Variants in ODAD4 observed in about 807,000 individuals in gnomAD.
ODAD4 encodes outer dynein arm-docking complex subunit 4.
ODAD4 carries 49 observed loss-of-function variants against 51.8 expected under a neutral mutation model. That is an observed-to-expected ratio of 0.95 (90% CI 0.75 to 1.20). The LOEUF is 1.20. Ranked by LOEUF, ODAD4 falls within the 50% of genes most tolerant of loss-of-function variation. ODAD4 has a pLI of 0.00. For synonymous variants in ODAD4, 235 were observed against 221.3 expected, an observed-to-expected ratio of 1.06 and a Z score of -0.55; for missense variants, 590 against 586.5, an observed-to-expected ratio of 1.01 and a Z score of -0.06.
intron 10 of ODAD4, among the ~76,000 whole-genome samples, chr17:41,957,213 C>A (rs888867337): frequency 2.0e-5 from 3 of 152,132 alleles, no homozygotes; most frequent in African/African-American, 7.2e-5. Flanking sequence ...TTTCTCTTAT[C>A]AGCAGTCCCC....
At chr17:41,944,157 A>G (rs1258776420) in intron 7 of ODAD4, among the ~76,000 whole-genome samples, 2 of 149,200 alleles carry the variant, frequency 1.3e-5, no homozygotes, top group Admixed American at 6.8e-5. Flanking sequence ...AGATCGTGCT[A>G]TTGCACTCCA....
rs143689429 is a variant in ODAD4 at position 41,943,208 on chromosome 17, A to T, written c.1059-1928A>T. 7.5e-3 allele frequency among the ~76,000 whole-genome samples: 1,137 copies of T among 152,264 alleles called. 12 individuals are homozygous for T. The highest frequency in any genetic ancestry group is 0.026 in the African/African-American group (1,082 of 41,540). On this transcript the variant is annotated intron_variant, in intron 7 of 11. Coordinates refer to ENST00000377540, the MANE Select transcript of ODAD4 (RefSeq NM_031421.5). ...TGTGTTTACCTACATACTCATGTAC[A>T]TATGCAGGATTTTTTAAAACCAAAG... is the stretch of plus-strand genomic sequence containing the variant.
At chr17:41,960,059 C>T (rs553218492) in intron 10 of ODAD4, among the ~76,000 whole-genome samples, 3 of 152,322 alleles carry the variant, frequency 2.0e-5, no homozygotes, top group East Asian at 1.9e-4. Context: ...TCCATGTGAT[C>T]GCCCTGCAGA....
Position 41,965,491 on chromosome 17 carries a change from G to A in ODAD4, c.*8G>A, listed in dbSNP as rs781896432. The A allele has an allele frequency of 5.3e-6, 4 of 757,736 alleles. No homozygotes were observed. Among genetic ancestry groups the A allele is most frequent in the African/African-American group, 3.5e-5 (2 of 57,610 alleles). 46.9% of individuals were successfully genotyped at this position (757,736 alleles called of 1,614,324 possible). Reference sequence around the variant, plus strand: ...GAAAAGGAATATGAATGAAGCCATCGGTAGAGATGAGGATCAGGAAGCTGG... The same window carrying A: ...GAAAAGGAATATGAATGAAGCCATCAGTAGAGATGAGGATCAGGAAGCTGG... On this transcript the variant is annotated 3_prime_UTR_variant, in exon 12 of 12. Transcript: ENST00000377540.
chr17:41,953,666 TATAGAGAG>T (rs1206034251), intron 9 of ODAD4, among the ~76,000 whole-genome samples: 3 of 147,540 alleles, frequency 2.0e-5, no homozygotes, highest in Non-Finnish European at 3.0e-5. Context: ...TATATATATA[TATAGAGAG>T]AGAGAGAGAG....
chr17:41,957,082 T>C (rs979166526), intron 10 of ODAD4, among the ~76,000 whole-genome samples: 4 of 151,990 alleles, frequency 2.6e-5, no homozygotes, highest in African/African-American at 9.7e-5. Context: ...AATTTTTTAT[T>C]TTTTGTAGAC....
At position 41,965,082 on chromosome 17, in the gene ODAD4, G is replaced by T; in HGVS notation, c.1618G>T (p.Asp540Tyr). 5.2e-6 allele frequency: 4 copies of T among 766,316 alleles called. No individual in the cohort carries two copies. Among genetic ancestry groups the T allele is most frequent in the Non-Finnish European group, 9.7e-6 (4 of 411,148 alleles). 47.5% of individuals were successfully genotyped at this position (766,316 alleles called of 1,614,324 possible). A position where few individuals can be genotyped will look rare whatever the true frequency, so the allele number is the denominator to read the frequency against. The change falls in exon 12 of 12, where the codon GAC becomes TAC. Residue 540 changes from aspartate (D) to tyrosine (Y), a missense_variant. This residue lies in a region of ODAD4 where 226 missense variants were observed against 162.7 expected (regional missense o/e 1.39). Transcript: ENST00000377540. The stretch of plus-strand genomic sequence containing the variant: ...GCCCGAGAAGGTGGTGAAGCAGTGG[G>T]ACCATAGTGAGGATGAGAAAGAGAC... Reference protein sequence around the residue: ...DEPEKVVKQWDHSEDEKETDE... With the variant: ...DEPEKVVKQWYHSEDEKETDE...
chr17:41,935,625 G>A lies in ODAD4; in HGVS notation c.273G>A (p.Leu91=), dbSNP rs1555637648. ...GGATTTTGCAAAAGGCTGAGACACT[G>A]TACACCATGGGAGACTTTGAGTTTG... ...CKGILQKAET[L]YTMGDFEFAL... Residue 91 remains leucine, a synonymous_variant, in exon 3 of 12, where the codon CTG becomes CTA. Transcript: ENST00000377540. The A allele has an allele frequency of 6.2e-7, 1 of 1,613,058 alleles. No individual in the cohort carries two copies. The highest frequency in any genetic ancestry group is 2.2e-5 in the East Asian group (1 of 44,876).
At chr17:41,944,391 T>TACACACACACACACACACACACAC (rs1158342629) in intron 7 of ODAD4, among the ~76,000 whole-genome samples, 1 of 78,706 alleles carries the variant, frequency 1.3e-5, no homozygotes, top group African/African-American at 6.7e-5. Flanking sequence ...CAAACACACA[T>TACACACACACACACACACACACAC]ACACACACAC....
At chr17:41,944,437 CACACA>C (rs1439839042) in intron 7 of ODAD4, among the ~76,000 whole-genome samples, 109 of 4,080 alleles carry the variant, frequency 0.027, 2 homozygotes, top group African/African-American at 0.05. Context: ...CACACACACA[CACACA>C]CACCCCCCCG....
intron 10 of ODAD4, among the ~76,000 whole-genome samples, chr17:41,955,834 C>T (rs2050724707): frequency 6.6e-6 from 1 of 152,012 alleles, no homozygotes; most frequent in Admixed American, 6.6e-5. Context: ...TTTATTGAGA[C>T]AGGGTCTCAC....
intron 7 of ODAD4, among the ~76,000 whole-genome samples, chr17:41,944,444 A>ACACACACACACACCCCC (rs1191101800): frequency 5.1e-5 from 1 of 19,546 alleles, no homozygotes; most frequent in Non-Finnish European, 1.2e-4. Flanking sequence ...ACACACACAC[A>ACACACACACACACCCCC]CCCCCCCGCA....
intron 9 of ODAD4, among the ~76,000 whole-genome samples, chr17:41,954,458 C>T (rs781932127): frequency 2.0e-5 from 3 of 152,040 alleles, no homozygotes; most frequent in Non-Finnish European, 2.9e-5. Context: ...GGCCTGGACT[C>T]GAGACAGCTG....
At chr17:41,935,510 A>T in intron 2 of ODAD4, 89 bp from the exon 3 acceptor site, 1 of 1,524,654 alleles carries the variant, frequency 6.6e-7, no homozygotes, top group Admixed American at 2.1e-5. Flanking sequence ...TCCAACCTTG[A>T]CCTTCAACCC....
chr17:41,945,284 A>G, intron 8 of ODAD4, 62 bp downstream of exon 8: 4 of 1,320,960 alleles, frequency 3.0e-6, no homozygotes, highest in Non-Finnish European at 4.3e-6. Flanking sequence ...CCATAACATG[A>G]AAATTTGTTT....
At chr17:41,944,427 CACACACACACACA>C (rs1567932987) in intron 7 of ODAD4, among the ~76,000 whole-genome samples, 4 of 8,106 alleles carry the variant, frequency 4.9e-4, no homozygotes, top group African/African-American at 7.5e-4. Flanking sequence ...CACACACACA[CACACACACACACA>C]CACACCCCCC....
At position 41,936,751 on chromosome 17, in the gene ODAD4, C is replaced by T. The variant is rs781865999; in HGVS notation, c.460-11C>T. On this transcript the variant is annotated splice_polypyrimidine_tract_variant and intron_variant, in intron 4 of 11. Coordinates refer to ENST00000377540, the MANE Select transcript of ODAD4 (RefSeq NM_031421.5). ...GCTGAAGCTCTGTTGGGTGTTGCTC[C>T]ATTTTCTCAGAATATAAAAGCCCAG... 3.1e-6 allele frequency: 5 copies of T among 1,613,580 alleles called. No homozygotes were observed. In the African/African-American group the frequency reaches 6.7e-5, roughly 22 times the overall value.
At chr17:41,941,999 G>T (rs1555638765) in intron 7 of ODAD4, among the ~76,000 whole-genome samples, 1 of 152,154 alleles carries the variant, frequency 6.6e-6, no homozygotes, top group East Asian at 1.9e-4. Flanking sequence ...GGAGTGCAAT[G>T]GAGTGATCTC....
chr17:41,934,708 A>C (rs2050400387), intron 1 of ODAD4, among the ~76,000 whole-genome samples: 1 of 152,172 alleles, frequency 6.6e-6, no homozygotes, highest in African/African-American at 2.4e-5. Context: ...TTGATTAGCT[A>C]CATAAAAAGA....
Sources: allele counts gnomAD v4.1 joint callset (sites outside exome capture counted in the v4.1 genomes callset), GRCh38; gene constraint gnomAD v4.1.1; regional missense constraint gnomAD v4.1.1; transcripts MANE v1.5; gene names NCBI Gene and HGNC (gene_info 2026-07-23, HGNC 2026-07-21).